Variants in PRKN observed in about 807,000 individuals in gnomAD.
The protein encoded by PRKN is parkin RBR E3 ubiquitin protein ligase, also known as E3 ubiquitin-protein ligase parkin.
In PRKN, 56 loss-of-function variants were observed where a neutral mutation model predicts 59.5. The ratio of observed to expected loss-of-function variants is 0.94; its 90% CI spans 0.76 to 1.18. The LOEUF (loss-of-function observed/expected upper bound fraction) is 1.18. Among genes scored for constraint, PRKN ranks in the 50% most tolerant of loss-of-function variants. The pLI is 0.00. For synonymous variants in PRKN, 250 were observed against 222.1 expected (o/e 1.13, Z -1.12); for missense variants, 657 against 596.4 (o/e 1.10, Z -1.06).
intron 9 of PRKN, among the ~76,000 whole-genome samples, chr6:161,536,859 C>A (rs918662880): frequency 6.6e-6 from 1 of 152,148 alleles, no homozygotes; most frequent in African/African-American, 2.4e-5. Flanking sequence ...TAAAAATAGA[C>A]ACAGTGACAT....
chr6:161,889,107 G>A (rs1435498222), intron 6 of PRKN, among the ~76,000 whole-genome samples: 1 of 152,052 alleles, frequency 6.6e-6, no homozygotes, highest in Non-Finnish European at 1.5e-5. Context: ...AAAGAAATAA[G>A]AGAACTACGG....
chr6:162,596,694 C>T (rs1781507297), intron 1 of PRKN, among the ~76,000 whole-genome samples: 1 of 152,176 alleles, frequency 6.6e-6, no homozygotes, highest in Admixed American at 6.5e-5. Context: ...CCTAGAATAG[C>T]TACCCAAATC....
chr6:162,237,608 A>T (rs1313648619), intron 3 of PRKN, among the ~76,000 whole-genome samples: 1 of 152,116 alleles, frequency 6.6e-6, no homozygotes, highest in Non-Finnish European at 1.5e-5. Context: ...CCTGTCAATC[A>T]CAAAAAGAAG....
At chr6:162,353,128 C>T (rs747795431) in intron 2 of PRKN, among the ~76,000 whole-genome samples, 1 of 152,140 alleles carries the variant, frequency 6.6e-6, no homozygotes, top group Non-Finnish European at 1.5e-5. Flanking sequence ...CAGGCCAATG[C>T]CACCATGCTC....
chr6:162,187,000 T>G (rs1205082125), intron 4 of PRKN, among the ~76,000 whole-genome samples: 4 of 152,218 alleles, frequency 2.6e-5, no homozygotes, highest in Non-Finnish European at 4.4e-5. Flanking sequence ...CGAGTCCCAC[T>G]TGATAATGTT....
At chr6:162,588,960 T>C (rs1781189151) in intron 1 of PRKN, among the ~76,000 whole-genome samples, 1 of 152,146 alleles carries the variant, frequency 6.6e-6, no homozygotes, top group African/African-American at 2.4e-5. Flanking sequence ...TTACCGTCAC[T>C]ATGAGTGTGG....
At chr6:161,574,606 C>G (rs1231133615) in intron 7 of PRKN, among the ~76,000 whole-genome samples, 2 of 152,050 alleles carry the variant, frequency 1.3e-5, no homozygotes, top group Non-Finnish European at 2.9e-5. Context: ...TTTTGAGATT[C>G]AACTTTTCCT....
intron 3 of PRKN, among the ~76,000 whole-genome samples, chr6:162,206,984 T>C (rs1341532199): frequency 6.6e-6 from 1 of 152,182 alleles, no homozygotes; most frequent in East Asian, 1.9e-4. Context: ...AACCAATATG[T>C]ACAGAAATAG....
At position 161,897,098 on chromosome 6, in the gene PRKN, T is replaced by A. The variant is rs553124078; in HGVS notation, c.734+76204A>T. On this transcript the variant is annotated intron_variant, in intron 6 of 11. Coordinates refer to ENST00000366898, the MANE Select transcript of PRKN (RefSeq NM_004562.3). Reference sequence around the variant, plus strand: ...ACATGTTGGACACTATCACTGTCTCTATCCCTTGGCCTAGATAGCAGCTAA... The same window carrying A: ...ACATGTTGGACACTATCACTGTCTCAATCCCTTGGCCTAGATAGCAGCTAA... 2.0e-4 allele frequency among the ~76,000 whole-genome samples: 31 copies of A among 152,348 alleles called. No individual in the cohort carries two copies. The South Asian group carries it at 5.6e-3, about 27-fold the overall frequency.
chr6:162,617,960 T>C (rs1782501408), intron 1 of PRKN, among the ~76,000 whole-genome samples: 1 of 152,156 alleles, frequency 6.6e-6, no homozygotes, highest in Non-Finnish European at 1.5e-5. Context: ...TTATCAGTAT[T>C]TATTCTTCCC....
At chr6:161,765,307 T>C (rs545054432) in intron 7 of PRKN, among the ~76,000 whole-genome samples, 2 of 152,294 alleles carry the variant, frequency 1.3e-5, no homozygotes, top group South Asian at 4.1e-4. Context: ...ATCATTCGCA[T>C]AGTGGAAAAT....
At chr6:162,443,501 A>C in intron 1 of PRKN, 28 bp from the exon 2 acceptor site, 1 of 1,611,006 alleles carries the variant, frequency 6.2e-7, no homozygotes, top group South Asian at 1.1e-5. Flanking sequence ...AAGGGAGAAG[A>C]GAAAGTGAGC....
intron 3 of PRKN, among the ~76,000 whole-genome samples, chr6:162,226,761 T>G (rs2128083961): frequency 6.6e-6 from 1 of 152,294 alleles, no homozygotes; most frequent in South Asian, 2.1e-4. Context: ...CTCAATCTTT[T>G]GAAGTCGTGA....
rs1318687968 is a variant in PRKN, at chr6:161,413,423, A to G, written c.1084-26546T>C. ...GCTGCAGCAGGTCGCCAGTGCATCA[A>G]CACAGAGTAACCGAATACATCAGAG... is the stretch of plus-strand genomic sequence containing the variant. On this transcript the variant is annotated intron_variant, in intron 9 of 11. Coordinates refer to ENST00000366898, the MANE Select transcript of PRKN (RefSeq NM_004562.3). This position sits in a 1 kb window ranked among gnomAD's most constrained non-coding sequence, Gnocchi z 4.4. Among the ~76,000 whole-genome samples the G allele has an allele frequency of 6.6e-6, 1 of 152,222 alleles. No homozygotes were observed. Among genetic ancestry groups the G allele is most frequent in the East Asian group, 1.9e-4 (1 of 5,198 alleles).
At chr6:162,103,525 G>C (rs995924457) in intron 4 of PRKN, among the ~76,000 whole-genome samples, 1 of 151,724 alleles carries the variant, frequency 6.6e-6, no homozygotes, top group Admixed American at 6.6e-5. Context: ...AGTAAACCAG[G>C]AATGGAACAG....
chr6:161,439,556 C>G lies in PRKN; in HGVS notation c.1084-52679G>C, dbSNP rs114773364. 3.7e-3 allele frequency among the ~76,000 whole-genome samples: 563 copies of G among 152,312 alleles called. 7 individuals are homozygous for G. The highest frequency in any genetic ancestry group is 0.013 in the African/African-American group (521 of 41,576). ...CCATTAACTGCGTGGGAGCAGCTCT[C>G]AACGGGTACAAGAGAGATACCACCA... On this transcript the variant is annotated intron_variant, in intron 9 of 11. Transcript: ENST00000366898.
chr6:162,091,857 T>A (rs1372267668), intron 4 of PRKN, among the ~76,000 whole-genome samples: 1 of 151,600 alleles, frequency 6.6e-6, no homozygotes, highest in Non-Finnish European at 1.5e-5. Context: ...GGCAACAAAG[T>A]GAGAGCCGAT....
At chr6:161,654,639 C>T (rs1214658387) in intron 7 of PRKN, among the ~76,000 whole-genome samples, 6 of 152,260 alleles carry the variant, frequency 3.9e-5, no homozygotes, top group East Asian at 1.9e-4. Context: ...AAAATTGCTT[C>T]GGATGCAGAC....
At position 161,525,744 on chromosome 6, in the gene PRKN, A is replaced by G. The variant is rs1778994526; in HGVS notation, c.1083+23110T>C. Among the ~76,000 whole-genome samples, 1 of 152,162 alleles carries G rather than the reference A, an allele frequency of 6.6e-6. No individual in the cohort carries two copies. Among genetic ancestry groups the G allele is most frequent in the Non-Finnish European group, 1.5e-5 (1 of 68,042 alleles). Reference sequence around the variant, plus strand: ...TTCTATTCAGCGCATTGCATCAGAAATGCTTCTATGTTAATCTGGAAATAG... The same window carrying G: ...TTCTATTCAGCGCATTGCATCAGAAGTGCTTCTATGTTAATCTGGAAATAG... On this transcript the variant is annotated intron_variant, in intron 9 of 11. Coordinates refer to ENST00000366898, the MANE Select transcript of PRKN (RefSeq NM_004562.3). This position sits in a 1 kb window ranked among gnomAD's most constrained non-coding sequence, Gnocchi z 4.7.
Sources: gnomAD v4.1 joint callset for allele counts (sites outside exome capture counted in the v4.1 genomes callset) on GRCh38, gnomAD v4.1.1 for gene constraint, Gnocchi (gnomAD v3.1) non-coding constraint, MANE v1.5 for transcripts, NCBI Gene and HGNC (gene_info 2026-07-23, HGNC 2026-07-21) for gene names.